PSMD6: variants seen among roughly 807,000 people sequenced by gnomAD.
The protein encoded by PSMD6 is proteasome 26S subunit, non-ATPase 6.
Under a neutral mutation model 44.9 loss-of-function variants are expected in PSMD6, and 7 were observed. That is an observed-to-expected ratio of 0.16 (90% CI 0.09 to 0.29). PSMD6 has a LOEUF of 0.29. Ranked by LOEUF, PSMD6 falls within the 10% of genes least tolerant of loss-of-function variation. The probability of loss-of-function intolerance (pLI) is 1.00; values close to 1 mark genes in which losing one functional copy is unlikely to be tolerated. For missense variants in PSMD6, 420 were observed against 482.6 expected (o/e 0.87, Z 1.21); for synonymous variants, 184 against 172.7 (o/e 1.07, Z -0.51).
rs1174855524 is a variant in PSMD6, at chr3:64,022,726, T to C, written c.146-203A>G. On this transcript the variant is annotated intron_variant, in intron 1 of 7. Transcript: ENST00000295901. ...GGGAGGTTTGCGTGACGGCCAATCC[T>C]GGCAATGCCAACCTCTACTAGGGCT... The C allele has an allele frequency of 3.3e-6, 5 of 1,536,714 alleles. No homozygotes were observed. The African/African-American group carries it at 6.8e-5, about 21-fold the overall frequency.
At chr3:64,022,684 C>A (rs771310675) in intron 1 of PSMD6, 161 bp from the exon 2 acceptor site, 15 of 1,537,790 alleles carry the variant, frequency 9.8e-6, no homozygotes, top group Non-Finnish European at 1.3e-5. Flanking sequence ...CTTGGCAAAA[C>A]ATAAACGTAT....
In PSMD6 at chr3:64,023,460, T is replaced by C. The variant is rs1387409453; in HGVS notation, c.-41A>G. On this transcript the variant is annotated 5_prime_UTR_variant, in exon 1 of 8. Transcript: ENST00000295901. ...AGCGGCTGACAGGACACAACTTGGT[T>C]ACGACCGGCTGCGGCAGCGGAAGCG... is the stretch of plus-strand genomic sequence containing the variant. The C allele has an allele frequency of 6.6e-7, 1 of 1,523,852 alleles. No homozygotes were observed. The highest frequency in any genetic ancestry group is 1.2e-5 in the South Asian group (1 of 82,996). The allele number at this position is 1,523,852 out of a possible 1,614,324, so 94.4% of individuals were successfully genotyped here. A position where few individuals can be genotyped will look rare whatever the true frequency, so the allele number is the denominator to read the frequency against.
chr3:64,022,953 A>G, intron 1 of PSMD6: 1 of 1,429,812 alleles, frequency 7.0e-7, no homozygotes, highest in South Asian at 1.4e-5. Flanking sequence ...CGCGCCCGGG[A>G]GCAGTCCCCA....
Position 64,018,636 on chromosome 3 carries a change from G to T in PSMD6, c.789C>A (p.Leu263=). Residue 263 remains leucine, a synonymous_variant, in exon 5 of 8, where the codon CTC becomes CTA. Coordinates refer to ENST00000295901, the MANE Select transcript of PSMD6 (RefSeq NM_014814.3). ...LPAVRQYLFS[L]YECRYSVFFQ... The stretch of plus-strand genomic sequence containing the variant: ...AGAAAACAGAGTAACGGCATTCATA[G>T]AGTGAAAACAGATACTGCCGAACTG... The T allele has an allele frequency of 6.3e-7, 1 of 1,597,030 alleles. No homozygotes were observed. The highest frequency in any genetic ancestry group is 8.6e-7 in the Non-Finnish European group (1 of 1,164,618).
intron 7 of PSMD6, 50 bp downstream of exon 7, chr3:64,010,828 A>C: frequency 1.3e-6 from 2 of 1,574,402 alleles, no homozygotes; most frequent in Non-Finnish European, 1.7e-6. Flanking sequence ...ACAATAGTTG[A>C]CCTACTTTTA....
intron 2 of PSMD6, chr3:64,019,792 T>A (rs1196613365): frequency 2.8e-5 from 5 of 180,812 alleles, no homozygotes; most frequent in African/African-American, 4.7e-5. Context: ...CAAAATAACA[T>A]CATCTGAAGG....
intron 5 of PSMD6, chr3:64,015,545 C>G (rs2076029423): frequency 6.6e-6 from 1 of 152,188 alleles, no homozygotes; most frequent in South Asian, 2.1e-4. Context: ...AATGTTAGTA[C>G]ACGATAGCCA....
At chr3:64,011,533 C>G (rs749515900) in intron 6 of PSMD6, 1 of 150,210 alleles carries the variant, frequency 6.7e-6, no homozygotes, top group Non-Finnish European at 1.5e-5. Context: ...CCATGACAAC[C>G]CAGATTTGAA....
intron 6 of PSMD6, chr3:64,011,943 C>T (rs1376580893): frequency 6.6e-6 from 1 of 152,252 alleles, no homozygotes; most frequent in Non-Finnish European, 1.5e-5. Context: ...CAGCCCGCAC[C>T]CTAATGAACA....
chr3:64,023,595 G>C, upstream of PSMD6: 1 of 1,410,702 alleles, frequency 7.1e-7, no homozygotes. Context: ...CGGCCTGGGC[G>C]CCTGCGCCCC....
chr3:64,022,777 T>C, intron 1 of PSMD6: 1 of 1,536,266 alleles, frequency 6.5e-7, no homozygotes. Flanking sequence ...CTCGGTTTGC[T>C]CTTGCCGGAT....
At chr3:64,022,839 A>T (rs971819212) in intron 1 of PSMD6, 12 of 1,534,194 alleles carry the variant, frequency 7.8e-6, no homozygotes, top group Middle Eastern at 1.7e-4. Flanking sequence ...ACACATACTC[A>T]CATACATATG....
chr3:64,023,295 A>G lies in PSMD6; in HGVS notation c.125T>C (p.Met42Thr), dbSNP rs980504546. 2.5e-6 allele frequency: 4 copies of G among 1,579,750 alleles called. No homozygotes were observed. In the African/African-American group the frequency reaches 4.1e-5, roughly 16 times the overall value. Residue 42 changes from methionine (M) to threonine (T), a missense_variant, in exon 1 of 8, where the codon ATG becomes ACG. Physicochemically the swap from Met to Thr is moderately conservative, Grantham distance 81. Transcript: ENST00000295901. ...RGDAAVRDEL[M>T]AAVRDNNMAP... The stretch of plus-strand genomic sequence containing the variant: ...CTCACTGTTATCGCGGACGGCCGCC[A>G]TCAGCTCGTCGCGCACGGCAGCGTC...
chr3:64,019,475 G>C, intron 2 of PSMD6, 34 bp from the exon 3 acceptor site: 1 of 1,582,462 alleles, frequency 6.3e-7, no homozygotes, highest in Admixed American at 2.0e-5. Context: ...GGTGAGAAAA[G>C]GCTACAAGTT....
At position 64,018,896 on chromosome 3, in the gene PSMD6, G is replaced by T. The variant is rs751008173; in HGVS notation, c.639C>A (p.Leu213=). 1.3e-5 allele frequency: 21 copies of T among 1,596,974 alleles called. No homozygotes were observed. The East Asian group carries it at 2.5e-4, about 19-fold the overall frequency. ...AAGTCACAAATGTTTTATAATCCAT[G>T]AGTTCATAGGATGTAAATGTTGAAA... ...DTVSTFTSYE[L]MDYKTFVTYT... The change falls in exon 4 of 8, where the codon CTC becomes CTA. Residue 213 remains leucine (L), a synonymous_variant. Transcript: ENST00000295901.
upstream of PSMD6, chr3:64,023,500 A>C (rs2076168336): frequency 6.9e-7 from 1 of 1,450,108 alleles, no homozygotes; most frequent in Admixed American, 2.5e-5. Context: ...GAGTCGGCGA[A>C]TACGCCCGGC....
At position 64,013,458 on chromosome 3, in the gene PSMD6, C is replaced by T. The variant is rs957226033; in HGVS notation, c.976G>A (p.Gly326Ser). ...ACTTACTGATCAATGAATTCCACAC[C>T]AACACCAAACGCTTCTGCCATATAG... The part of the protein sequence containing the change: ...LGYMAEAFGV[G>S]VEFIDQELSR... The change falls in exon 6 of 8, where the codon GGT (glycine) becomes AGT (serine). Residue 326 changes from glycine (G) to serine (S), a missense_variant. Gly to Ser is a moderately conservative substitution (Grantham distance 56). Transcript: ENST00000295901. 1 of 1,582,146 alleles carries T rather than the reference C, an allele frequency of 6.3e-7. No individual in the cohort carries two copies. Among genetic ancestry groups the T allele is most frequent in the South Asian group, 1.2e-5 (1 of 85,214 alleles).
rs751604936 is a variant in PSMD6 at position 64,019,409 on chromosome 3, A to G, written c.384T>C (p.Tyr128=). 2.5e-6 allele frequency: 4 copies of G among 1,613,450 alleles called. No individual in the cohort carries two copies. Among genetic ancestry groups the G allele is most frequent in the East Asian group, 2.2e-5 (1 of 44,874 alleles). ...EGALTAFRKT[Y]DKTVALGHRL... ...GGTGACCCAGGGCCACAGTTTTGTC[A>G]TATGTCTTGCGAAAGGCTGTCAGAG... The change falls in exon 3 of 8, where the codon TAT becomes TAC. Residue 128 remains tyrosine (Y), a synonymous_variant. Coordinates refer to ENST00000295901, the MANE Select transcript of PSMD6 (RefSeq NM_014814.3).
intron 5 of PSMD6, chr3:64,017,450 G>A (rs949288143): frequency 1.2e-4 from 18 of 152,156 alleles, no homozygotes; most frequent in Admixed American, 6.5e-5. Flanking sequence ...ATGCAGAGAA[G>A]TAAGATTTGT....
Sources: allele counts gnomAD v4.1 joint callset, GRCh38; gene constraint gnomAD v4.1.1; transcripts MANE v1.5; gene names NCBI Gene and HGNC (gene_info 2026-07-23, HGNC 2026-07-21).